The following ARHGAP15 variants were observed in gnomAD, a reference collection of about 807,000 sequenced individuals.
ARHGAP15 encodes the protein rho GTPase-activating protein 15.
A neutral mutation model predicts 63.7 loss-of-function variants in ARHGAP15; 51 were observed. That is an observed-to-expected ratio of 0.80 (90% CI 0.64 to 1.01). The LOEUF is 1.01. ARHGAP15 is among the 50% of genes least tolerant of loss of function. ARHGAP15 has a pLI of 0.00. For synonymous variants in ARHGAP15, 191 were observed against 193.8 expected (o/e 0.99, Z 0.12); for missense variants, 560 against 564.6 (o/e 0.99, Z 0.08).
At chr2:143,461,933 C>T (rs142674526) in intron 8 of ARHGAP15, among the ~76,000 whole-genome samples, 1 of 152,210 alleles carries the variant, frequency 6.6e-6, no homozygotes, top group African/African-American at 2.4e-5. Flanking sequence ...CTTTGGGAGG[C>T]AGAGTAAGGC....
Position 143,599,470 on chromosome 2 carries a change from T to G in ARHGAP15, c.1004-24663T>G, listed in dbSNP as rs10177113. On this transcript the variant is annotated intron_variant, in intron 11 of 13. Coordinates refer to ENST00000295095, the MANE Select transcript of ARHGAP15 (RefSeq NM_018460.4). The stretch of plus-strand genomic sequence containing the variant: ...CATAAGCAATGGGCAATGTGAGTGT[T>G]GAGGATCGCTTGAAATCAGGAGTTC... Among the ~76,000 whole-genome samples the G allele has an allele frequency of 9.7e-3, 1,472 of 152,124 alleles. 27 individuals are homozygous for G. Among genetic ancestry groups the G allele is most frequent in the African/African-American group, 0.034 (1,404 of 41,532 alleles).
chr2:143,469,504 C>CAGTG (rs1194373828), intron 8 of ARHGAP15, among the ~76,000 whole-genome samples: 1 of 152,190 alleles, frequency 6.6e-6, no homozygotes, highest in Non-Finnish European at 1.5e-5. Context: ...ACGCGAGCTC[C>CAGTG]AGTGGGCCAG....
intron 6 of ARHGAP15, among the ~76,000 whole-genome samples, chr2:143,305,738 A>T (rs1388487035): frequency 6.6e-6 from 1 of 152,094 alleles, no homozygotes; most frequent in Non-Finnish European, 1.5e-5. Context: ...TTTAACTGTC[A>T]ATGAACTCTT....
At chr2:143,712,571 T>G (rs1684628978) in intron 13 of ARHGAP15, among the ~76,000 whole-genome samples, 1 of 152,110 alleles carries the variant, frequency 6.6e-6, no homozygotes, top group Non-Finnish European at 1.5e-5. Context: ...CAAGGACAGA[T>G]TCCTAGAGAC....
chr2:143,411,243 A>AAATT (rs1460434698), intron 6 of ARHGAP15, among the ~76,000 whole-genome samples: 5 of 30,270 alleles, frequency 1.7e-4, no homozygotes, highest in Non-Finnish European at 5.7e-4. Flanking sequence ...AGGAAAGGGT[A>AAATT]CATTAAGATA....
chr2:143,459,879 G>A (rs1049380121), intron 8 of ARHGAP15, among the ~76,000 whole-genome samples: 2 of 152,054 alleles, frequency 1.3e-5, no homozygotes, highest in African/African-American at 4.8e-5. Flanking sequence ...TAAGTATGAA[G>A]CATACTTAGA....
chr2:143,199,964 T>A (rs1692044358), intron 2 of ARHGAP15, among the ~76,000 whole-genome samples: 1 of 152,052 alleles, frequency 6.6e-6, no homozygotes, highest in South Asian at 2.1e-4. Flanking sequence ...TGTCCCACTT[T>A]CCCTACCACG....
intron 13 of ARHGAP15, among the ~76,000 whole-genome samples, chr2:143,756,314 CTTAA>C (rs1415111284): frequency 6.6e-6 from 1 of 152,120 alleles, no homozygotes; most frequent in African/African-American, 2.4e-5. Flanking sequence ...TTCTGCTTGG[CTTAA>C]TTAATGCTGA....
chr2:143,134,330 C>A (rs904301526), intron 1 of ARHGAP15, among the ~76,000 whole-genome samples: 1 of 152,178 alleles, frequency 6.6e-6, no homozygotes, highest in African/African-American at 2.4e-5. Flanking sequence ...AATGAGAATG[C>A]TTGCAGAAGC....
chr2:143,184,049 C>A (rs536886732), intron 2 of ARHGAP15, among the ~76,000 whole-genome samples: 4 of 152,162 alleles, frequency 2.6e-5, no homozygotes, highest in African/African-American at 9.7e-5. Flanking sequence ...GACAGAAACA[C>A]GTAACCTGAA....
intron 3 of ARHGAP15, 87 bp from the exon 4 acceptor site, chr2:143,216,297 G>C: frequency 9.7e-7 from 1 of 1,026,798 alleles, no homozygotes; most frequent in South Asian, 1.5e-5. Context: ...TTCCGTCACT[G>C]CAATGACTCT....
chr2:143,763,994 A>C (rs920878626), intron 13 of ARHGAP15, among the ~76,000 whole-genome samples: 2 of 151,696 alleles, frequency 1.3e-5, no homozygotes, highest in African/African-American at 4.8e-5. Context: ...TTTAACCTGC[A>C]ATAATGCAAA....
intron 10 of ARHGAP15, 123 bp from the exon 11 acceptor site, chr2:143,556,285 A>G: frequency 1.5e-6 from 1 of 665,678 alleles, no homozygotes; most frequent in Non-Finnish European, 2.5e-6. Flanking sequence ...ATAATTTAGA[A>G]CACACAAATT....
At chr2:143,725,605 C>T (rs532972345) in intron 13 of ARHGAP15, among the ~76,000 whole-genome samples, 1 of 152,282 alleles carries the variant, frequency 6.6e-6, no homozygotes, top group South Asian at 2.1e-4. Context: ...TGTGGTTCCA[C>T]AAAATGAATA....
chr2:143,403,377 T>G (rs1450714108), intron 6 of ARHGAP15, among the ~76,000 whole-genome samples: 2 of 151,856 alleles, frequency 1.3e-5, no homozygotes, highest in Non-Finnish European at 2.9e-5. Context: ...TGCCTCACTT[T>G]CATGGGACTT....
chr2:143,440,931 A>G (rs530032627), intron 8 of ARHGAP15, among the ~76,000 whole-genome samples: 1 of 152,198 alleles, frequency 6.6e-6, no homozygotes, highest in Admixed American at 6.5e-5. Flanking sequence ...GAAGGCCCAA[A>G]TATAATAAAT....
At chr2:143,466,024 CTTCT>C (rs1314219382) in intron 8 of ARHGAP15, among the ~76,000 whole-genome samples, 7 of 152,058 alleles carry the variant, frequency 4.6e-5, no homozygotes, top group Admixed American at 1.3e-4. Context: ...TGGAGACTGA[CTTCT>C]TTCTTTATTT....
At chr2:143,420,626 T>C (rs1471977712) in intron 6 of ARHGAP15, among the ~76,000 whole-genome samples, 1 of 152,166 alleles carries the variant, frequency 6.6e-6, no homozygotes, top group Non-Finnish European at 1.5e-5. Context: ...CAAGAAGTCT[T>C]TGGAGTCCGC....
At chr2:143,169,108 T>C (rs1004559278) in intron 2 of ARHGAP15, among the ~76,000 whole-genome samples, 10 of 152,092 alleles carry the variant, frequency 6.6e-5, no homozygotes, top group African/African-American at 2.4e-4. Flanking sequence ...TTATTTTGCC[T>C]AGACAGTGCT....
Sources: gnomAD v4.1 joint callset for allele counts (sites outside exome capture counted in the v4.1 genomes callset) on GRCh38, gnomAD v4.1.1 for gene constraint, MANE v1.5 for transcripts, NCBI Gene and HGNC (gene_info 2026-07-23, HGNC 2026-07-21) for gene names.